Variants in ANXA10 observed in about 807,000 individuals in gnomAD.
The protein encoded by ANXA10 is annexin A10.
Under a neutral mutation model 53.5 loss-of-function variants are expected in ANXA10, and 49 were observed. That is an observed-to-expected ratio of 0.92 (90% CI 0.73 to 1.16). The LOEUF is 1.16. Among genes scored for constraint, ANXA10 ranks in the 50% most tolerant of loss-of-function variants. The pLI, the probability that ANXA10 is intolerant of heterozygous loss-of-function variation, is 0.00. For synonymous variants in ANXA10, 131 were observed against 128.9 expected (o/e 1.02, Z -0.11); for missense variants, 393 against 394.4 (o/e 1.00, Z 0.03).
At chr4:168,093,092 T>C (rs1730486030) in intron 1 of ANXA10, among the ~76,000 whole-genome samples, 1 of 152,144 alleles carries the variant, frequency 6.6e-6, no homozygotes, top group Non-Finnish European at 1.5e-5. Context: ...CTTAAATCCA[T>C]GCTAATTTTG....
chr4:168,126,960 T>G (rs1440778743), intron 1 of ANXA10, among the ~76,000 whole-genome samples: 1 of 152,152 alleles, frequency 6.6e-6, no homozygotes, highest in Non-Finnish European at 1.5e-5. Flanking sequence ...ATATTTATAT[T>G]CATTTAGCTA....
At chr4:168,133,805 C>T (rs1352680962) in intron 2 of ANXA10, among the ~76,000 whole-genome samples, 1 of 152,072 alleles carries the variant, frequency 6.6e-6, no homozygotes, top group African/African-American at 2.4e-5. Flanking sequence ...ATAAATACCA[C>T]ATACAATGAG....
intron 7 of ANXA10, 32 bp from the exon 8 acceptor site, chr4:168,177,858 T>TG (rs1732161456): frequency 6.2e-7 from 1 of 1,613,956 alleles, no homozygotes; most frequent in African/African-American, 1.3e-5. Flanking sequence ...GGAGTGGTTC[T>TG]GATGCTACTT....
chr4:168,119,067 G>T (rs1407765308), intron 1 of ANXA10, among the ~76,000 whole-genome samples: 2 of 151,926 alleles, frequency 1.3e-5, no homozygotes, highest in Non-Finnish European at 2.9e-5. Context: ...TTTTTATTTA[G>T]TGTGCCTTGA....
chr4:168,185,328 T>C (rs1732348038), intron 11 of ANXA10, among the ~76,000 whole-genome samples: 1 of 152,206 alleles, frequency 6.6e-6, no homozygotes, highest in Non-Finnish European at 1.5e-5. Flanking sequence ...AAATATATAT[T>C]GCAAAAGGCT....
chr4:168,165,277 A>T lies in ANXA10; in HGVS notation c.431A>T (p.Tyr144Phe). The T allele has an allele frequency of 6.3e-7, 1 of 1,595,466 alleles. No individual in the cohort carries two copies. Among genetic ancestry groups the T allele is most frequent in the Non-Finnish European group, 8.6e-7 (1 of 1,167,880 alleles). Residue 144 changes from tyrosine (Y) to phenylalanine (F), a missense_variant, in exon 6 of 12, where the codon TAT (tyrosine) becomes TTT (phenylalanine). Physicochemically the swap from Tyr to Phe is conservative, Grantham distance 22. Transcript: ENST00000359299. ...QYSNNLQEDI[Y>F]SETSGHFRDT... ...AGCAATAACCTCCAAGAGGACATTTATTCAGAGACCTCAGGACACTTCAGA... is the reference window on the plus strand; with the variant it reads ...AGCAATAACCTCCAAGAGGACATTTTTTCAGAGACCTCAGGACACTTCAGA...
chr4:168,175,055 T>C (rs73862576), intron 6 of ANXA10, among the ~76,000 whole-genome samples: 1,704 of 152,116 alleles, frequency 0.011, 32 homozygotes, highest in African/African-American at 0.037. Flanking sequence ...GAAATGTAAA[T>C]ACAGACAAAA....
At position 168,162,641 on chromosome 4, in the gene ANXA10, G is replaced by T; in HGVS notation, c.309G>T (p.Lys103Asn). 1 of 1,613,468 alleles carries T rather than the reference G, an allele frequency of 6.2e-7. No homozygotes were observed. Among genetic ancestry groups the T allele is most frequent in the Non-Finnish European group, 8.5e-7 (1 of 1,179,494 alleles). The change falls in exon 4 of 12, where the codon AAG becomes AAT. Residue 103 changes from lysine to asparagine, a missense_variant and splice_region_variant. Lys to Asn is a moderately conservative substitution (Grantham distance 94). Transcript: ENST00000359299. Reference protein sequence around the residue: ...YDAHELWHAMKGVGTDENCLI... With the variant: ...YDAHELWHAMNGVGTDENCLI... ...CTCATGAGCTCTGGCATGCCATGAAGGTAGTGATCTGATCCAAAAATATGC... is the reference window on the plus strand; with the variant it reads ...CTCATGAGCTCTGGCATGCCATGAATGTAGTGATCTGATCCAAAAATATGC...
chr4:168,186,056 A>G (rs960668339), intron 11 of ANXA10, among the ~76,000 whole-genome samples: 1 of 152,250 alleles, frequency 6.6e-6, no homozygotes, highest in African/African-American at 2.4e-5. Flanking sequence ...CATTTTCTAA[A>G]TGAATACATT....
chr4:168,144,332 C>T (rs1731373860), intron 3 of ANXA10, among the ~76,000 whole-genome samples: 1 of 152,036 alleles, frequency 6.6e-6, no homozygotes, highest in Admixed American at 6.6e-5. Context: ...GATTACAGGA[C>T]CGTGCAACCA....
intron 3 of ANXA10, among the ~76,000 whole-genome samples, chr4:168,157,028 G>GA (rs552592136): frequency 6.6e-6 from 1 of 151,846 alleles, no homozygotes; most frequent in African/African-American, 2.4e-5. Context: ...CACTAGCGTG[G>GA]AAAAAATGCT....
intron 6 of ANXA10, among the ~76,000 whole-genome samples, chr4:168,175,308 T>C (rs1560791303): frequency 6.6e-6 from 1 of 152,228 alleles, no homozygotes; most frequent in South Asian, 2.1e-4. Flanking sequence ...TGGCATGTAG[T>C]CACAGAAGAT....
intron 2 of ANXA10, among the ~76,000 whole-genome samples, chr4:168,135,415 T>C (rs1259380581): frequency 6.6e-6 from 1 of 152,196 alleles, no homozygotes; most frequent in South Asian, 2.1e-4. Flanking sequence ...CTTACATCTC[T>C]AAGAGGCAGA....
intron 9 of ANXA10, 56 bp from the exon 10 acceptor site, chr4:168,181,627 C>T (rs900848901): frequency 5.5e-5 from 76 of 1,384,290 alleles, no homozygotes; most frequent in Non-Finnish European, 7.6e-5. Context: ...CAAATTCTGA[C>T]GAAAATATAT....
intron 6 of ANXA10, among the ~76,000 whole-genome samples, chr4:168,167,986 T>C (rs1731912268): frequency 1.3e-5 from 2 of 152,172 alleles, no homozygotes; most frequent in African/African-American, 4.8e-5. Context: ...ATTTCTAAAC[T>C]TTCTCTCTTC....
chr4:168,093,906 G>A (rs574543056), intron 1 of ANXA10, among the ~76,000 whole-genome samples: 29 of 152,040 alleles, frequency 1.9e-4, no homozygotes, highest in African/African-American at 6.8e-4. Flanking sequence ...AAGATTTCAA[G>A]ATCTCATTTT....
intron 3 of ANXA10, among the ~76,000 whole-genome samples, chr4:168,154,311 G>A (rs1731563255): frequency 6.6e-6 from 1 of 152,004 alleles, no homozygotes; most frequent in Non-Finnish European, 1.5e-5. Flanking sequence ...ATTCATGTAT[G>A]TATTATTTAT....
At chr4:168,164,345 T>C (rs1731838653) in intron 5 of ANXA10, 57 bp downstream of exon 5, 5 of 1,235,158 alleles carry the variant, frequency 4.0e-6, no homozygotes, top group Non-Finnish European at 5.8e-6. Flanking sequence ...TTATAACACA[T>C]TAAATATTCC....
chr4:168,164,166 C>T (rs767665914), intron 4 of ANXA10, 32 bp from the exon 5 acceptor site: 1 of 1,466,674 alleles, frequency 6.8e-7, no homozygotes, highest in Non-Finnish European at 9.5e-7. Flanking sequence ...ATAAAAATAT[C>T]CTTACATTTA....
Sources: gnomAD v4.1 joint callset for allele counts (sites outside exome capture counted in the v4.1 genomes callset) on GRCh38, gnomAD v4.1.1 for gene constraint, MANE v1.5 for transcripts, NCBI Gene and HGNC (gene_info 2026-07-23, HGNC 2026-07-21) for gene names.